Variants in COG3 observed in about 807,000 individuals in gnomAD.
The protein encoded by COG3 is conserved oligomeric Golgi complex subunit 3.
A neutral mutation model predicts 114.1 loss-of-function variants in COG3; 32 were observed. The ratio of observed to expected loss-of-function variants is 0.28; its 90% CI spans 0.21 to 0.38. The LOEUF (loss-of-function observed/expected upper bound fraction) is 0.38. Ranked by LOEUF, COG3 falls within the 10% of genes least tolerant of loss-of-function variation. The pLI is 1.00. For missense variants in COG3, 813 were observed against 973.2 expected (o/e 0.84, Z 2.19); for synonymous variants, 352 against 365.7 (o/e 0.96, Z 0.43).
intron 1 of COG3, among the ~76,000 whole-genome samples, chr13:45,467,756 T>C (rs1238861810): frequency 6.6e-6 from 1 of 152,228 alleles, no homozygotes; most frequent in Non-Finnish European, 1.5e-5. Context: ...CCTATACTAC[T>C]CTTTTAACAT....
chr13:45,499,908 C>T (rs1869266241), intron 13 of COG3, among the ~76,000 whole-genome samples: 1 of 152,028 alleles, frequency 6.6e-6, no homozygotes, highest in South Asian at 2.1e-4. Flanking sequence ...GTCCTAGCTA[C>T]TCGGGAGGCA....
intron 21 of COG3, 117 bp from the exon 22 acceptor site, chr13:45,530,565 A>G (rs913073869): frequency 1.6e-4 from 111 of 677,144 alleles, no homozygotes; most frequent in African/African-American, 1.6e-3. Flanking sequence ...CTTTGGTAAT[A>G]TCATGAAAGA....
At chr13:45,531,798 C>A (rs921588612) in intron 22 of COG3, among the ~76,000 whole-genome samples, 1 of 152,028 alleles carries the variant, frequency 6.6e-6, no homozygotes, top group Non-Finnish European at 1.5e-5. Context: ...GCCACCATAC[C>A]CAGCCAGAAT....
At chr13:45,469,708 G>C (rs911447892) in intron 1 of COG3, among the ~76,000 whole-genome samples, 1 of 151,996 alleles carries the variant, frequency 6.6e-6, no homozygotes, top group Non-Finnish European at 1.5e-5. Flanking sequence ...TTTTTTTTAA[G>C]AGTTGTAGAG....
intron 17 of COG3, among the ~76,000 whole-genome samples, chr13:45,518,122 T>C (rs898736921): frequency 5.3e-5 from 8 of 152,234 alleles, no homozygotes; most frequent in Non-Finnish European, 1.0e-4. Context: ...AAACCAGGGT[T>C]ACAAGCATTT....
chr13:45,468,622 TGGGAGAGAAA>T (rs1885289684), intron 1 of COG3, among the ~76,000 whole-genome samples: 1 of 152,242 alleles, frequency 6.6e-6, no homozygotes, highest in Admixed American at 6.5e-5. Context: ...AAGTAAAGCT[TGGGAGAGAAA>T]GGTATGTTAC....
At chr13:45,513,784 G>T (rs2137891144) in intron 16 of COG3, among the ~76,000 whole-genome samples, 2 of 151,784 alleles carry the variant, frequency 1.3e-5, no homozygotes, top group Middle Eastern at 6.8e-3. Flanking sequence ...TTGATAATAG[G>T]TGAAATTAGA....
intron 14 of COG3, among the ~76,000 whole-genome samples, chr13:45,506,285 C>T (rs563099987): frequency 3.3e-5 from 5 of 151,804 alleles, no homozygotes; most frequent in African/African-American, 9.7e-5. Context: ...CCAGTGCTGA[C>T]GTTAAGGAGC....
At chr13:45,496,667 GT>G (rs1340662572) in intron 13 of COG3, among the ~76,000 whole-genome samples, 2 of 151,758 alleles carry the variant, frequency 1.3e-5, no homozygotes, top group African/African-American at 4.8e-5. Context: ...TTCAAGTTAT[GT>G]TTTTTTGTTT....
In COG3 at chr13:45,476,242, G is replaced by A. The variant is rs1395517418; in HGVS notation, c.216G>A (p.Leu72=). The A allele has an allele frequency of 3.1e-6, 5 of 1,613,546 alleles. No homozygotes were observed. The highest frequency in any genetic ancestry group is 4.2e-6 in the Non-Finnish European group (5 of 1,179,778). The change falls in exon 2 of 23, where the codon CTG becomes CTA. Residue 72 remains leucine, a synonymous_variant. Coordinates refer to ENST00000349995, the MANE Select transcript of COG3 (RefSeq NM_031431.4). ...EDLCSLTSQS[L]PIELTSVVPE... ...TGTGCAGTTTAACATCCCAGTCACT[G>A]CCCATTGAACTGACTTCAGTAGTGC...
At chr13:45,487,033 G>A (rs1161948400) in intron 8 of COG3, among the ~76,000 whole-genome samples, 1 of 152,178 alleles carries the variant, frequency 6.6e-6, no homozygotes, top group Admixed American at 6.5e-5. Flanking sequence ...CTTAAACAGA[G>A]GAGTTATTTG....
At chr13:45,477,631 CTTT>C (rs11408688) in intron 2 of COG3, among the ~76,000 whole-genome samples, 1 of 142,978 alleles carries the variant, frequency 7.0e-6, no homozygotes. Flanking sequence ...TCCATATTCT[CTTT>C]TTTTTTTTTT....
chr13:45,473,411 GTGTTTTCTGGTA>G (rs1280993632), intron 1 of COG3, among the ~76,000 whole-genome samples: 1 of 152,046 alleles, frequency 6.6e-6, no homozygotes, highest in Non-Finnish European at 1.5e-5. Flanking sequence ...TAGCTTTCGT[GTGTTTTCTGGTA>G]TATTTTCCAA....
intron 14 of COG3, among the ~76,000 whole-genome samples, chr13:45,508,068 TAAAA>T (rs10571583): frequency 0.035 from 1,121 of 32,158 alleles, 2 homozygotes; most frequent in Non-Finnish European, 0.042. Context: ...AGGTCCAACC[TAAAA>T]AAAAAAAAAA....
chr13:45,530,338 C>A (rs1319310499), intron 21 of COG3, among the ~76,000 whole-genome samples: 1 of 152,116 alleles, frequency 6.6e-6, no homozygotes, highest in Non-Finnish European at 1.5e-5. Flanking sequence ...CTGTGTTGAG[C>A]TCTTGTTCTT....
At position 45,494,268 on chromosome 13, in the gene COG3, T is replaced by C. The variant is rs192620372; in HGVS notation, c.1327+782T>C. Among the ~76,000 whole-genome samples the C allele has an allele frequency of 8.9e-3, 1,312 of 147,498 alleles. 25 individuals carry two copies. Among genetic ancestry groups the C allele is most frequent in the African/African-American group, 0.03 (1,209 of 39,652 alleles). ...GGAACCTGGGAGGGGGAGGTTGCAG[T>C]GAGCCGAGATTGCGCCATTACACCC... On this transcript the variant is annotated intron_variant, in intron 12 of 22. Coordinates refer to ENST00000349995, the MANE Select transcript of COG3 (RefSeq NM_031431.4).
chr13:45,511,173 A>G (rs1870821671), intron 15 of COG3, among the ~76,000 whole-genome samples: 1 of 147,858 alleles, frequency 6.8e-6, no homozygotes, highest in Admixed American at 6.7e-5. Context: ...TTTTTTTTTT[A>G]AACTCCATTA....
intron 17 of COG3, 22 bp from the exon 18 acceptor site, chr13:45,518,740 G>A: frequency 6.3e-7 from 1 of 1,577,588 alleles, no homozygotes; most frequent in East Asian, 2.2e-5. Flanking sequence ...ATGTTCACTG[G>A]ATGAGTAATT....
chr13:45,514,682 C>T lies in COG3; in HGVS notation c.1810-1461C>T, dbSNP rs1345823583. Among the ~76,000 whole-genome samples the T allele has an allele frequency of 5.9e-5, 9 of 152,038 alleles. No individual in the cohort carries two copies. In the East Asian group the frequency reaches 1.7e-3, roughly 29 times the overall value. ...TGTTTGTTTGAGATGGAGTCTCCCT[C>T]TGTCGCCCAGGCTGGAGTGCAGTGG... On this transcript the variant is annotated intron_variant, in intron 16 of 22. Transcript: ENST00000349995.
Sources: allele counts gnomAD v4.1 joint callset (sites outside exome capture counted in the v4.1 genomes callset), GRCh38; gene constraint gnomAD v4.1.1; transcripts MANE v1.5; gene names NCBI Gene and HGNC (gene_info 2026-07-23, HGNC 2026-07-21).